The following GSDMC variants were observed in gnomAD, a reference collection of about 807,000 sequenced individuals.
GSDMC encodes gasdermin-C.
In GSDMC, 59 loss-of-function variants were observed where a neutral mutation model predicts 58.0. The ratio of observed to expected loss-of-function variants is 1.02; its 90% CI spans 0.82 to 1.26. The LOEUF (loss-of-function observed/expected upper bound fraction) is 1.26, where lower values mean the gene tolerates loss of function less well. Among genes scored for constraint, GSDMC ranks in the 50% most tolerant of loss-of-function variants. The pLI, the probability that GSDMC is intolerant of heterozygous loss-of-function variation, is 0.00. For missense variants in GSDMC, 659 were observed against 598.5 expected (o/e 1.10, Z -1.06); for synonymous variants, 241 against 220.2 (o/e 1.09, Z -0.83).
At chr8:129,773,339 T>C (rs950833748) in intron 3 of GSDMC, among the ~76,000 whole-genome samples, 1 of 152,232 alleles carries the variant, frequency 6.6e-6, no homozygotes, top group Admixed American at 6.5e-5. Context: ...ATTGCCTGTT[T>C]ACAGATGACA....
At chr8:129,754,963 T>C (rs2033369391) in intron 6 of GSDMC, among the ~76,000 whole-genome samples, 1 of 151,978 alleles carries the variant, frequency 6.6e-6, no homozygotes, top group African/African-American at 2.4e-5. Context: ...CACACACATA[T>C]GATCTAGAAA....
the GSDMC span, among the ~76,000 whole-genome samples, chr8:129,714,033 C>T: frequency 6.6e-6 from 1 of 152,206 alleles, no homozygotes; most frequent in Non-Finnish European, 1.5e-5. Context: ...GCAAACACTA[C>T]TCATCTCAGC....
At chr8:129,763,587 T>C (rs1011166888) in intron 4 of GSDMC, among the ~76,000 whole-genome samples, 1 of 152,180 alleles carries the variant, frequency 6.6e-6, no homozygotes, top group Non-Finnish European at 1.5e-5. Flanking sequence ...AGTTTTGTTG[T>C]TTTAATTGAG....
At chr8:129,756,563 T>A (rs1268979983) in intron 6 of GSDMC, among the ~76,000 whole-genome samples, 1 of 152,300 alleles carries the variant, frequency 6.6e-6, no homozygotes, top group Non-Finnish European at 1.5e-5. Flanking sequence ...AGCTAATAGA[T>A]ACTTAGAGAA....
the GSDMC span, among the ~76,000 whole-genome samples, chr8:129,736,128 C>T: frequency 2.0e-5 from 3 of 152,220 alleles, no homozygotes; most frequent in South Asian, 2.1e-4. Flanking sequence ...CAATAACAGG[C>T]TCTGAAATTG....
At chr8:129,710,370 T>C in the GSDMC span, among the ~76,000 whole-genome samples, 1 of 152,222 alleles carries the variant, frequency 6.6e-6, no homozygotes, top group Admixed American at 6.5e-5. Context: ...GCCACATCCT[T>C]GCACCGGCCA....
chr8:129,750,233 C>T, intron 11 of GSDMC, 114 bp from the exon 12 acceptor site: 3 of 1,056,640 alleles, frequency 2.8e-6, no homozygotes, highest in Non-Finnish European at 4.0e-6. Flanking sequence ...CTCTACCTCC[C>T]CCAGGGGATT....
intron 3 of GSDMC, among the ~76,000 whole-genome samples, chr8:129,769,414 A>G (rs1331584826): frequency 1.3e-5 from 2 of 152,212 alleles, no homozygotes; most frequent in Non-Finnish European, 2.9e-5. Flanking sequence ...TTCTGTTGCT[A>G]TAAGAGAATA....
chr8:129,751,656 C>G, intron 9 of GSDMC, 88 bp from the exon 10 acceptor site: 1 of 1,254,378 alleles, frequency 8.0e-7, no homozygotes, highest in Non-Finnish European at 1.2e-6. Flanking sequence ...TCTCCTACCA[C>G]CTCCTCCCTC....
At chr8:129,727,683 A>G in the GSDMC span, among the ~76,000 whole-genome samples, 2 of 152,208 alleles carry the variant, frequency 1.3e-5, no homozygotes, top group African/African-American at 4.8e-5. Flanking sequence ...AGGCACATAC[A>G]AAGTCACCCA....
the GSDMC span, chr8:129,729,795 G>A: frequency 1.6e-6 from 1 of 616,414 alleles, no homozygotes; most frequent in Non-Finnish European, 2.9e-6. Flanking sequence ...AAATTTGAAG[G>A]AGGTGTGCAC....
chr8:129,711,710 C>T, the GSDMC span, among the ~76,000 whole-genome samples: 1 of 152,194 alleles, frequency 6.6e-6, no homozygotes, highest in African/African-American at 2.4e-5. Context: ...GTGCGCTGGG[C>T]AAGTTACTTG....
the GSDMC span, among the ~76,000 whole-genome samples, chr8:129,733,925 T>C: frequency 6.6e-6 from 1 of 151,912 alleles, no homozygotes; most frequent in East Asian, 1.9e-4. Context: ...CTAAAAACCT[T>C]GAAAAAAGAT....
At chr8:129,722,310 T>C in the GSDMC span, among the ~76,000 whole-genome samples, 1 of 152,226 alleles carries the variant, frequency 6.6e-6, no homozygotes, top group African/African-American at 2.4e-5. Context: ...GAAGCTTTAA[T>C]GAATAATCAA....
chr8:129,772,216 G>A (rs941985821), intron 3 of GSDMC, among the ~76,000 whole-genome samples: 4 of 145,632 alleles, frequency 2.7e-5, no homozygotes, highest in South Asian at 2.1e-4. Flanking sequence ...AGCGGAGATC[G>A]CGCCACTGCA....
chr8:129,729,362 C>T, the GSDMC span: 2 of 434,250 alleles, frequency 4.6e-6, no homozygotes, highest in Admixed American at 6.3e-5. Context: ...GCACAAGGTG[C>T]AGGCTTATTA....
chr8:129,751,454 T>C (rs894334458), intron 10 of GSDMC, 88 bp downstream of exon 10: 1 of 1,084,476 alleles, frequency 9.2e-7, no homozygotes, highest in Admixed American at 2.2e-5. Flanking sequence ...GACCTCAGTT[T>C]CTGACTTGCA....
At chr8:129,763,734 A>C (rs1444471178) in intron 4 of GSDMC, among the ~76,000 whole-genome samples, 1 of 151,974 alleles carries the variant, frequency 6.6e-6, no homozygotes, top group Non-Finnish European at 1.5e-5. Context: ...GCACCACCGC[A>C]CCTGGCTAAT....
the GSDMC span, among the ~76,000 whole-genome samples, chr8:129,728,046 G>T: frequency 6.6e-6 from 1 of 151,982 alleles, no homozygotes; most frequent in African/African-American, 2.4e-5. Context: ...AGCACACTTG[G>T]CCGGGACCAG....
Sources: gnomAD v4.1 joint callset for allele counts (sites outside exome capture counted in the v4.1 genomes callset) on GRCh38, gnomAD v4.1.1 for gene constraint, MANE v1.5 for transcripts, NCBI Gene and HGNC (gene_info 2026-07-23, HGNC 2026-07-21) for gene names.